The following LMF1 variants were observed in gnomAD, a reference collection of about 807,000 sequenced individuals.
The protein encoded by LMF1 is lipase maturation factor 1.
A neutral mutation model predicts 60.6 loss-of-function variants in LMF1; 68 were observed. The ratio of observed to expected loss-of-function variants is 1.12; its 90% confidence interval spans 0.92 to 1.37. The LOEUF (loss-of-function observed/expected upper bound fraction) is 1.37. LMF1 is among the 40% of genes most tolerant of loss of function. The pLI is 0.00. For missense variants in LMF1, 948 were observed against 767.2 expected, an observed-to-expected ratio of 1.24 and a Z score of -2.78; for synonymous variants, 418 against 324.7, an observed-to-expected ratio of 1.29 and a Z score of -3.09.
At position 958,681 on chromosome 16, in the gene LMF1, G is replaced by A. The variant is rs576907370; in HGVS notation, c.194-4015C>T. Among the ~76,000 whole-genome samples the A allele has an allele frequency of 3.9e-5, 6 of 152,308 alleles. No homozygotes were observed. In the South Asian group the frequency reaches 1.2e-3, roughly 32 times the overall value. On this transcript the variant is annotated intron_variant, in intron 1 of 10. Transcript: ENST00000262301. ...GTGGGCAGATCACCTGAGGTCAGGA[G>A]TTCAAGACCAGCCTGGCCAATGTGG...
At position 954,386 on chromosome 16, in the gene LMF1, G is replaced by A. The variant is rs2072613096; in HGVS notation, c.474C>T (p.Tyr158=). ...CATGGCCCACATTAACCAGGGACATGTAGAGGCCCCACAGGGCAGCCATGA... is the reference window on the plus strand; with the variant it reads ...CATGGCCCACATTAACCAGGGACATATAGAGGCCCCACAGGGCAGCCATGA... ...MLLMAALWGL[Y]MSLVNVGHVW... The change falls in exon 2 of 11, where the codon TAC becomes TAT. Residue 158 remains tyrosine (Y), a synonymous_variant. Transcript: ENST00000262301. The A allele has an allele frequency of 3.7e-6, 6 of 1,612,636 alleles. No homozygotes were observed. Among genetic ancestry groups the A allele is most frequent in the Admixed American group, 3.3e-5 (2 of 59,924 alleles).
intron 2 of LMF1, among the ~76,000 whole-genome samples, chr16:944,932 G>T (rs1420775611): frequency 3.9e-5 from 6 of 152,072 alleles, no homozygotes; most frequent in African/African-American, 1.4e-4. Context: ...AAAAATAGGG[G>T]GCTGGGCACC....
At chr16:967,785 G>C (rs1038686606) in intron 1 of LMF1, among the ~76,000 whole-genome samples, 1 of 152,194 alleles carries the variant, frequency 6.6e-6, no homozygotes, top group African/African-American at 2.4e-5. Context: ...GGGCAGGGCT[G>C]AACTCCAGGG....
At chr16:869,244 A>G in intron 9 of LMF1, 188 bp from the exon 10 acceptor site, 3 of 666,894 alleles carry the variant, frequency 4.5e-6, no homozygotes, top group African/African-American at 1.8e-5. Context: ...AGCCCTGACC[A>G]CTCATTCCCA....
chr16:932,178 C>T (rs2071807234), intron 3 of LMF1, among the ~76,000 whole-genome samples: 2 of 152,354 alleles, frequency 1.3e-5, no homozygotes, highest in South Asian at 2.1e-4. Flanking sequence ...GCACTTCCCC[C>T]CCACCCTACT....
At chr16:958,056 G>A (rs534445752) in intron 1 of LMF1, among the ~76,000 whole-genome samples, 1 of 152,116 alleles carries the variant, frequency 6.6e-6, no homozygotes, top group Non-Finnish European at 1.5e-5. Context: ...GCAAAAAGAT[G>A]GACCTGAACA....
At chr16:866,187 A>G (rs1285493650) in intron 10 of LMF1, among the ~76,000 whole-genome samples, 1 of 152,138 alleles carries the variant, frequency 6.6e-6, no homozygotes, top group Admixed American at 6.5e-5. Context: ...AAAACTGAAC[A>G]TTTTGTGTAT....
Position 954,379 on chromosome 16 carries a change from G to C in LMF1, c.481C>G (p.Leu161Val), listed in dbSNP as rs1160973885. 1 of 1,612,574 alleles carries C rather than the reference G, an allele frequency of 6.2e-7. No homozygotes were observed. The highest frequency in any genetic ancestry group is 1.1e-5 in the South Asian group (1 of 90,858). Residue 161 changes from leucine to valine, a missense_variant, in exon 2 of 11, where the codon CTG (leucine) becomes GTG (valine). Transcript: ENST00000262301. Reference sequence around the variant, plus strand: ...CACCAGACATGGCCCACATTAACCAGGGACATGTAGAGGCCCCACAGGGCA... The same window carrying C: ...CACCAGACATGGCCCACATTAACCACGGACATGTAGAGGCCCCACAGGGCA... ...MAALWGLYMSLVNVGHVWYSF... is the reference protein window; with the variant it reads ...MAALWGLYMSVVNVGHVWYSF...
chr16:898,781 C>A (rs190121645), intron 4 of LMF1, among the ~76,000 whole-genome samples: 1 of 152,376 alleles, frequency 6.6e-6, no homozygotes, highest in Non-Finnish European at 1.5e-5. Context: ...GTCACCATAC[C>A]ATGTAAATTC....
At chr16:868,797 G>A (rs1453753126) in intron 10 of LMF1, 147 bp downstream of exon 10, 4 of 461,376 alleles carry the variant, frequency 8.7e-6, no homozygotes, top group Non-Finnish European at 1.6e-5. Context: ...GGCCCTTTTT[G>A]CTCCCAGCAG....
At chr16:975,021 C>T (rs532926144), upstream of LMF1, among the ~76,000 whole-genome samples, 42 of 152,328 alleles carry the variant, frequency 2.8e-4, no homozygotes, top group East Asian at 8.1e-3. Context: ...GGCCAACCCC[C>T]CCACCCCCCA....
chr16:879,779 G>T lies in LMF1; in HGVS notation c.730-42C>A, dbSNP rs372806459. 3 of 1,539,314 alleles carry T rather than the reference G, an allele frequency of 1.9e-6. No individual in the cohort carries two copies. The East Asian group carries it at 7.3e-5, about 38-fold the overall frequency. On this transcript the variant is annotated intron_variant, in intron 5 of 10. Coordinates refer to ENST00000262301, the MANE Select transcript of LMF1 (RefSeq NM_022773.4). ...GGCCGTGAGGTGCCTGGCCGATCTC[G>T]GGGGGCGGGGCTAGGGAGAGGCTTG...
intron 10 of LMF1, among the ~76,000 whole-genome samples, chr16:859,219 T>G: frequency 2.0e-5 from 2 of 97,648 alleles, no homozygotes; most frequent in Non-Finnish European, 3.7e-5. Context: ...TCGGGACGGG[T>G]GTGCAGTGGT....
At chr16:954,062 G>GCTTCCT (rs1567312834) in intron 2 of LMF1, among the ~76,000 whole-genome samples, 1 of 110,844 alleles carries the variant, frequency 9.0e-6, no homozygotes, top group Non-Finnish European at 1.9e-5. Context: ...CACAGACACA[G>GCTTCCT]ACCCACTGCT....
At chr16:957,244 C>T (rs7206661) in intron 1 of LMF1, among the ~76,000 whole-genome samples, 31,145 of 152,192 alleles carry the variant, frequency 0.2, 3,625 homozygotes, top group South Asian at 0.33. Context: ...CCCACAAGTA[C>T]ATGCGGCTTC....
At chr16:940,800 T>A (rs56834034) in intron 2 of LMF1, among the ~76,000 whole-genome samples, 33,624 of 152,086 alleles carry the variant, frequency 0.22, 4,489 homozygotes, top group African/African-American at 0.35. Flanking sequence ...GATTCATCAA[T>A]TATGTCAAAG....
intron 10 of LMF1, chr16:855,316 G>T (rs1057108518): frequency 1.8e-4 from 49 of 270,048 alleles, no homozygotes; most frequent in African/African-American, 1.0e-3. Flanking sequence ...GCCCGAGTGG[G>T]ATGAAGGCCC....
rs569519001 is a variant in LMF1, at chr16:874,222, G to A, written c.898-2881C>T. Among the ~76,000 whole-genome samples the A allele has an allele frequency of 3.1e-4, 47 of 152,360 alleles. No homozygotes were observed. Among genetic ancestry groups the A allele is most frequent in the African/African-American group, 9.1e-4 (38 of 41,584 alleles). ...CACAACCGAAACACAGCTAAGGGCC[G>A]GTGAGCCCAGCTCTGGGACAGAGCC... On this transcript the variant is annotated intron_variant, in intron 6 of 10. Transcript: ENST00000262301. This position sits in a 1 kb window ranked among gnomAD's most constrained non-coding sequence, Gnocchi z 4.1.
At chr16:958,154 T>C (rs1479470989) in intron 1 of LMF1, among the ~76,000 whole-genome samples, 2 of 152,148 alleles carry the variant, frequency 1.3e-5, no homozygotes. Context: ...GATGGAAATA[T>C]AGAAGAAAAT....
Sources: allele counts gnomAD v4.1 joint callset (sites outside exome capture counted in the v4.1 genomes callset), GRCh38; gene constraint gnomAD v4.1.1; non-coding constraint Gnocchi (gnomAD v3.1); transcripts MANE v1.5; gene names NCBI Gene and HGNC (gene_info 2026-07-23, HGNC 2026-07-21).